MAMDC2: variants seen among roughly 807,000 people sequenced by gnomAD.
The protein encoded by MAMDC2 is MAM domain containing 2.
MAMDC2 carries 57 observed loss-of-function variants against 89.8 expected under a neutral mutation model. The ratio of observed to expected loss-of-function variants is 0.63; its 90% CI spans 0.51 to 0.79. MAMDC2 has a LOEUF of 0.79. Ranked by LOEUF, MAMDC2 falls within the 30% of genes least tolerant of loss-of-function variation. The pLI, the probability that MAMDC2 is intolerant of heterozygous loss-of-function variation, is 0.00. For synonymous variants in MAMDC2, 313 were observed against 293.4 expected (o/e 1.07, Z -0.68); for missense variants, 800 against 820.6 (o/e 0.97, Z 0.31).
chr9:70,197,297 G>A (rs1335302459), intron 11 of MAMDC2, among the ~76,000 whole-genome samples: 4 of 152,088 alleles, frequency 2.6e-5, no homozygotes, highest in South Asian at 4.1e-4. Context: ...AACTTATGGA[G>A]TAAAGTTGTG....
intron 11 of MAMDC2, among the ~76,000 whole-genome samples, chr9:70,215,570 T>G (rs1380932890): frequency 2.0e-5 from 3 of 152,348 alleles, no homozygotes; most frequent in South Asian, 4.1e-4. Flanking sequence ...CACTGAAATA[T>G]ATGTAGTCTT....
intron 12 of MAMDC2, 76 bp downstream of exon 12, chr9:70,218,672 C>T: frequency 6.8e-7 from 1 of 1,465,594 alleles, no homozygotes; most frequent in South Asian, 1.5e-5. Context: ...TTCTTGCTAC[C>T]AAAGAGAATA....
chr9:70,182,726 T>C (rs1296188035), intron 11 of MAMDC2, among the ~76,000 whole-genome samples: 5 of 152,186 alleles, frequency 3.3e-5, no homozygotes, highest in Admixed American at 3.3e-4. Context: ...TTTTATTGCA[T>C]CTATTTGATT....
At position 70,208,451 on chromosome 9, in the gene MAMDC2, T is replaced by C. The variant is rs1012164117; in HGVS notation, c.1652-9886T>C. Among the ~76,000 whole-genome samples, 20 of 152,292 alleles carry C rather than the reference T, an allele frequency of 1.3e-4. No individual in the cohort carries two copies. In the Middle Eastern group the frequency reaches 0.014, roughly 104 times the overall value. Reference sequence around the variant, plus strand: ...TCTCTGTTTGTCTGGTATTGGTGTATAGGAATGCTTGTGATTTTTGCACAT... The same window carrying C: ...TCTCTGTTTGTCTGGTATTGGTGTACAGGAATGCTTGTGATTTTTGCACAT... On this transcript the variant is annotated intron_variant, in intron 11 of 13. Coordinates refer to ENST00000377182, the MANE Select transcript of MAMDC2 (RefSeq NM_153267.5).
At chr9:70,211,348 C>T (rs1047819917) in intron 11 of MAMDC2, among the ~76,000 whole-genome samples, 1 of 151,884 alleles carries the variant, frequency 6.6e-6, no homozygotes, top group Admixed American at 6.6e-5. Flanking sequence ...TTTCTCTAAA[C>T]GTCTCTTCTC....
intron 11 of MAMDC2, among the ~76,000 whole-genome samples, chr9:70,198,300 C>A (rs374366127): frequency 6.6e-6 from 1 of 151,632 alleles, no homozygotes; most frequent in Admixed American, 6.6e-5. Context: ...TTTCAGGCAT[C>A]CAGTGGGGGT....
chr9:70,108,335 G>C lies in MAMDC2; in HGVS notation c.273G>C (p.Ser91=). The C allele has an allele frequency of 6.2e-7, 1 of 1,614,038 alleles. No individual in the cohort carries two copies. The highest frequency in any genetic ancestry group is 1.1e-5 in the South Asian group (1 of 91,074). Residue 91 remains serine (S), a synonymous_variant, in exon 3 of 14, where the codon TCG becomes TCC. Coordinates refer to ENST00000377182, the MANE Select transcript of MAMDC2 (RefSeq NM_153267.5). ...TGGTCTACCAGATAACCACATCTTC[G>C]GAGTCTCTGTCAGATCCCAGCCAGC... ...LRLVYQITTS[S]ESLSDPSQLN...
In MAMDC2 at chr9:70,160,375, G is replaced by A. The variant is rs1331530505; in HGVS notation, c.1405-8327G>A. ...ATAATGTCTTCATTATTAGGGTGGG[G>A]AATTAGAGACTAAAACATTAAAAAT... On this transcript the variant is annotated intron_variant, in intron 9 of 13. Coordinates refer to ENST00000377182, the MANE Select transcript of MAMDC2 (RefSeq NM_153267.5). Among the ~76,000 whole-genome samples, 4 of 152,056 alleles carry A rather than the reference G, an allele frequency of 2.6e-5. No homozygotes were observed. The East Asian group carries it at 5.9e-4, about 22-fold the overall frequency.
intron 5 of MAMDC2, among the ~76,000 whole-genome samples, chr9:70,116,812 C>T (rs2030017908): frequency 6.6e-6 from 1 of 151,964 alleles, no homozygotes; most frequent in South Asian, 2.1e-4. Flanking sequence ...TGTGGTCATC[C>T]TTGAGAAGCA....
At position 70,226,584 on chromosome 9, in the gene MAMDC2, A is replaced by G. The variant is rs1400810697; in HGVS notation, c.*552A>G. ...AGTATTAATTTTTAATATTTTCACC[A>G]TATGTGATAACAAAGGATCTTTCAT... On this transcript the variant is annotated 3_prime_UTR_variant, in exon 14 of 14. Coordinates refer to ENST00000377182, the MANE Select transcript of MAMDC2 (RefSeq NM_153267.5). The G allele has an allele frequency of 6.6e-6, 1 of 152,556 alleles. No homozygotes were observed. The highest frequency in any genetic ancestry group is 2.4e-5 in the African/African-American group (1 of 41,448). 9.5% of individuals were successfully genotyped at this position (152,556 alleles called of 1,614,324 possible). A position where few individuals can be genotyped will look rare whatever the true frequency, so the allele number is the denominator to read the frequency against.
At chr9:70,225,325 C>T (rs530103572) in intron 12 of MAMDC2, among the ~76,000 whole-genome samples, 6 of 152,206 alleles carry the variant, frequency 3.9e-5, no homozygotes, top group African/African-American at 1.4e-4. Context: ...TTTTCCACCT[C>T]GTAGCAGTAT....
At position 70,170,978 on chromosome 9, in the gene MAMDC2, T is replaced by C. The variant is rs777109293; in HGVS notation, c.1651+347T>C. On this transcript the variant is annotated intron_variant, in intron 11 of 13. Coordinates refer to ENST00000377182, the MANE Select transcript of MAMDC2 (RefSeq NM_153267.5). ...CCGAGGCCTAATATACAAAATATAT[T>C]GGCAGACAAAGGAAGAGGCATACAG... The C allele has an allele frequency of 7.6e-4, 172 of 224,882 alleles. 1 individual carries two copies. The highest frequency in any genetic ancestry group is 1.2e-3 in the Admixed American group (21 of 17,468). 13.9% of individuals were successfully genotyped at this position (224,882 alleles called of 1,614,324 possible). A position where few individuals can be genotyped will look rare whatever the true frequency, so the allele number is the denominator to read the frequency against.
chr9:70,213,757 A>ATT, intron 11 of MAMDC2, among the ~76,000 whole-genome samples: 1 of 152,158 alleles, frequency 6.6e-6, no homozygotes, highest in Non-Finnish European at 1.5e-5. Context: ...AACTCAAAGA[A>ATT]AGAATTATGT....
At chr9:70,184,600 T>G (rs1406992219) in intron 11 of MAMDC2, among the ~76,000 whole-genome samples, 1 of 152,030 alleles carries the variant, frequency 6.6e-6, no homozygotes, top group African/African-American at 2.4e-5. Flanking sequence ...TTTTCTCTAA[T>G]CTTGTCTTTA....
chr9:70,082,315 G>A (rs922710351), intron 2 of MAMDC2, among the ~76,000 whole-genome samples: 1 of 152,084 alleles, frequency 6.6e-6, no homozygotes, highest in African/African-American at 2.4e-5. Context: ...AAGATGGTGT[G>A]GGTAACAGCC....
chr9:70,183,386 C>G (rs1309581249), intron 11 of MAMDC2, among the ~76,000 whole-genome samples: 4 of 152,182 alleles, frequency 2.6e-5, no homozygotes, highest in African/African-American at 9.7e-5. Context: ...GAGCTGAGTT[C>G]AAGTCCTGGA....
At chr9:70,196,379 G>A (rs143502544) in intron 11 of MAMDC2, among the ~76,000 whole-genome samples, 1 of 152,184 alleles carries the variant, frequency 6.6e-6, no homozygotes, top group African/African-American at 2.4e-5. Context: ...TAAGTATTTA[G>A]TGAACATGAA....
intron 4 of MAMDC2, among the ~76,000 whole-genome samples, chr9:70,112,499 G>A (rs1828537190): frequency 6.6e-6 from 1 of 152,140 alleles, no homozygotes; most frequent in African/African-American, 2.4e-5. Flanking sequence ...GAAGAGAAAG[G>A]AATGGAGGAC....
intron 2 of MAMDC2, among the ~76,000 whole-genome samples, chr9:70,100,106 ATCAG>A (rs1253455866): frequency 1.3e-5 from 2 of 151,928 alleles, no homozygotes; most frequent in Non-Finnish European, 1.5e-5. Flanking sequence ...TGGGGTAACC[ATCAG>A]AAGAGGATGC....
Sources: allele counts gnomAD v4.1 joint callset (sites outside exome capture counted in the v4.1 genomes callset), GRCh38; gene constraint gnomAD v4.1.1; transcripts MANE v1.5; gene names NCBI Gene and HGNC (gene_info 2026-07-23, HGNC 2026-07-21).